Variants in CUBN observed in about 807,000 individuals in gnomAD.
CUBN encodes cubilin, also known as 460 kDa receptor.
Under a neutral mutation model 405.3 loss-of-function variants are expected in CUBN, and 282 were observed. The ratio of observed to expected loss-of-function variants is 0.70; its 90% CI spans 0.63 to 0.77. CUBN has a LOEUF of 0.77. Among genes scored for constraint, CUBN ranks in the 30% least tolerant of loss-of-function variants. CUBN has a pLI of 0.00. For synonymous variants in CUBN, 1,684 were observed against 1,617.0 expected (o/e 1.04, Z -0.99); for missense variants, 4,514 against 4,475.2 (o/e 1.01, Z -0.25).
At chr10:16,937,995 T>G (rs1049099824) in intron 38 of CUBN, among the ~76,000 whole-genome samples, 1 of 152,218 alleles carries the variant, frequency 6.6e-6, no homozygotes, top group African/African-American at 2.4e-5. Flanking sequence ...CATTTGCATC[T>G]TTGTTGCAGA....
At chr10:17,120,800 T>A (rs12572384) in intron 6 of CUBN, among the ~76,000 whole-genome samples, 2 of 152,140 alleles carry the variant, frequency 1.3e-5, no homozygotes, top group East Asian at 3.9e-4. Context: ...CTCATCACAG[T>A]TTGCCCATAC....
At chr10:17,011,775 C>A (rs187829273) in intron 28 of CUBN, among the ~76,000 whole-genome samples, 1 of 152,110 alleles carries the variant, frequency 6.6e-6, no homozygotes, top group Non-Finnish European at 1.5e-5. Context: ...AGACACAGAG[C>A]GCAGATTGGT....
chr10:17,068,503 A>G (rs1241555880), intron 20 of CUBN, 102 bp downstream of exon 20: 2 of 1,137,464 alleles, frequency 1.8e-6, no homozygotes, highest in East Asian at 2.4e-5. Context: ...GTACTTTAAA[A>G]TTTTTCACAG....
rs770960595 is a variant in CUBN at position 17,047,564 on chromosome 10, G to A, written c.3179C>T (p.Thr1060Ile). 1.4e-5 allele frequency: 22 copies of A among 1,614,092 alleles called. No individual in the cohort carries two copies. Among genetic ancestry groups the A allele is most frequent in the Non-Finnish European group, 1.9e-5 (22 of 1,179,968 alleles). ...QDYTDDLGTF[T>I]SPNFPNNYPN... The stretch of plus-strand genomic sequence containing the variant: ...ATAATTATTGGGGAAGTTTGGAGAA[G>A]TGAATGTCCCCAAATCATCTGTGTA... The change falls in exon 23 of 67, where the codon ACT becomes ATT. Residue 1060 changes from threonine (T) to isoleucine (I), a missense_variant. Transcript: ENST00000377833.
Position 16,948,379 on chromosome 10 carries a change from A to T in CUBN, c.5209+99T>A, listed in dbSNP as rs1437453989. 13 of 1,538,434 alleles carry T rather than the reference A, an allele frequency of 8.5e-6. No individual in the cohort carries two copies. In the East Asian group the frequency reaches 2.7e-4, roughly 32 times the overall value. ...TTTGGCCCAGAGGTGATCTCAGGAA[A>T]CTGGCTCCCAACTACGAAGGTCAGA... On this transcript the variant is annotated intron_variant, in intron 35 of 66. Coordinates refer to ENST00000377833, the MANE Select transcript of CUBN (RefSeq NM_001081.4).
chr10:16,890,280 C>G, intron 55 of CUBN, 91 bp downstream of exon 55: 1 of 1,262,946 alleles, frequency 7.9e-7, no homozygotes, highest in South Asian at 1.2e-5. Flanking sequence ...CCATACTCCT[C>G]CCCTAGACCC....
chr10:16,853,925 T>G (rs566085097), intron 59 of CUBN, among the ~76,000 whole-genome samples: 9 of 152,350 alleles, frequency 5.9e-5, no homozygotes, highest in African/African-American at 2.2e-4. Context: ...TGTTTCAATA[T>G]TCAAGAAAGT....
chr10:16,829,861 G>T (rs554912095), intron 65 of CUBN, among the ~76,000 whole-genome samples: 1 of 151,318 alleles, frequency 6.6e-6, no homozygotes, highest in African/African-American at 2.4e-5. Flanking sequence ...TTGCTCTGTC[G>T]CCCAGGCTGG....
chr10:16,952,136 A>C, intron 33 of CUBN, 140 bp downstream of exon 33: 1 of 688,146 alleles, frequency 1.5e-6, no homozygotes, highest in South Asian at 1.5e-5. Context: ...TCTTAAGCAC[A>C]TCAGGAATTG....
intron 6 of CUBN, among the ~76,000 whole-genome samples, chr10:17,116,357 A>G (rs975390739): frequency 2.4e-4 from 36 of 152,340 alleles, no homozygotes; most frequent in African/African-American, 7.9e-4. Context: ...TGATCTGAGC[A>G]TGGGAGCTAG....
chr10:17,057,000 A>G (rs1835410510), intron 22 of CUBN, among the ~76,000 whole-genome samples: 1 of 152,154 alleles, frequency 6.6e-6, no homozygotes, highest in African/African-American at 2.4e-5. Flanking sequence ...AGATACTGCT[A>G]TGCAACTGCC....
chr10:16,996,658 T>A (rs186731756), intron 28 of CUBN, among the ~76,000 whole-genome samples: 5 of 152,314 alleles, frequency 3.3e-5, no homozygotes, highest in African/African-American at 9.6e-5. Flanking sequence ...AAACCAGTAA[T>A]GAAACAGCTA....
intron 34 of CUBN, 75 bp downstream of exon 34, chr10:16,949,926 C>A: frequency 9.3e-7 from 1 of 1,069,534 alleles, no homozygotes; most frequent in Non-Finnish European, 1.4e-6. Context: ...CCTAGAATGG[C>A]AGCCTATAAA....
At chr10:16,966,853 G>A (rs1022359489) in intron 31 of CUBN, among the ~76,000 whole-genome samples, 2 of 152,164 alleles carry the variant, frequency 1.3e-5, no homozygotes, top group African/African-American at 4.8e-5. Context: ...AAGACATTTA[G>A]GGCACAGGAG....
intron 56 of CUBN, among the ~76,000 whole-genome samples, chr10:16,883,722 T>A (rs58547865): frequency 1.3e-5 from 2 of 152,224 alleles, no homozygotes; most frequent in Non-Finnish European, 2.9e-5. Context: ...GGTGTGAATC[T>A]GGGCCCACTC....
intron 22 of CUBN, among the ~76,000 whole-genome samples, chr10:17,054,355 GGTGAA>G (rs1475226197): frequency 6.7e-6 from 1 of 149,062 alleles, no homozygotes. Context: ...AAACTGGGGA[GGTGAA>G]GTGAAGTAGT....
intron 45 of CUBN, among the ~76,000 whole-genome samples, chr10:16,916,632 C>G (rs1036126708): frequency 1.3e-5 from 2 of 152,070 alleles, no homozygotes; most frequent in Non-Finnish European, 2.9e-5. Flanking sequence ...AACATTGTTA[C>G]CACTAGGCTT....
At chr10:16,905,510 C>T (rs1564415368) in intron 50 of CUBN, among the ~76,000 whole-genome samples, 1 of 152,118 alleles carries the variant, frequency 6.6e-6, no homozygotes. Context: ...ATTTCACAGC[C>T]CCTTCATAAA....
chr10:17,094,734 C>G (rs35407316), intron 14 of CUBN, among the ~76,000 whole-genome samples: 81,960 of 151,630 alleles, frequency 0.54, 22,809 homozygotes, highest in East Asian at 0.71. Flanking sequence ...AACTATACCA[C>G]ATTAATGAAA....
Sources: allele counts gnomAD v4.1 joint callset (sites outside exome capture counted in the v4.1 genomes callset), GRCh38; gene constraint gnomAD v4.1.1; transcripts MANE v1.5; gene names NCBI Gene and HGNC (gene_info 2026-07-23, HGNC 2026-07-21).